Variants in EPHA6 observed in about 807,000 individuals in gnomAD.
EPHA6 encodes ephrin type-A receptor 6.
A neutral mutation model predicts 112.0 loss-of-function variants in EPHA6; 50 were observed. That is an observed-to-expected ratio of 0.45 (90% confidence interval 0.36 to 0.56). The LOEUF (loss-of-function observed/expected upper bound fraction) is 0.56. EPHA6 is among the 20% of genes least tolerant of loss of function. EPHA6 has a pLI of 0.00. For missense variants in EPHA6, 1,280 were observed against 1,417.4 expected (o/e 0.90, Z 1.56); for synonymous variants, 529 against 490.7 (o/e 1.08, Z -1.03).
chr3:97,306,876 T>C (rs2081342398), intron 5 of EPHA6, among the ~76,000 whole-genome samples: 2 of 151,582 alleles, frequency 1.3e-5, no homozygotes, highest in Admixed American at 6.6e-5. Context: ...AAATGACTCA[T>C]TTGTCACCTA....
chr3:96,976,139 T>C (rs2042512150), intron 2 of EPHA6, among the ~76,000 whole-genome samples: 1 of 152,190 alleles, frequency 6.6e-6, no homozygotes, highest in Admixed American at 6.6e-5. Context: ...TAATAAGTTA[T>C]ATGTTTGTTT....
chr3:97,730,280 A>G (rs927796479), intron 15 of EPHA6, among the ~76,000 whole-genome samples: 2 of 152,060 alleles, frequency 1.3e-5, no homozygotes, highest in South Asian at 2.1e-4. Flanking sequence ...ACGTGCCCCA[A>G]CTGAGCCTTC....
At chr3:97,410,807 C>T (rs2087663508) in intron 6 of EPHA6, among the ~76,000 whole-genome samples, 1 of 151,996 alleles carries the variant, frequency 6.6e-6, no homozygotes, top group Non-Finnish European at 1.5e-5. Flanking sequence ...TTTCCTTCAC[C>T]TCATTTAATC....
At chr3:97,303,973 T>C (rs1398014208) in intron 5 of EPHA6, among the ~76,000 whole-genome samples, 2 of 152,038 alleles carry the variant, frequency 1.3e-5, no homozygotes, top group African/African-American at 4.8e-5. Context: ...TTGTTAGCTG[T>C]ATTCCTAGGT....
intron 2 of EPHA6, among the ~76,000 whole-genome samples, chr3:96,915,029 ATAT>A (rs2039416757): frequency 1.3e-5 from 2 of 148,708 alleles, no homozygotes; most frequent in African/African-American, 5.2e-5. Flanking sequence ...TTATTATTTA[ATAT>A]TATTATTAAA....
chr3:97,423,201 A>C (rs998654266), intron 6 of EPHA6, among the ~76,000 whole-genome samples: 4 of 152,198 alleles, frequency 2.6e-5, no homozygotes, highest in Non-Finnish European at 5.9e-5. Context: ...ATAAAAAGAG[A>C]GGAAGAAAAA....
intron 2 of EPHA6, among the ~76,000 whole-genome samples, chr3:96,977,178 A>T (rs1432353338): frequency 6.6e-6 from 1 of 152,202 alleles, no homozygotes; most frequent in African/African-American, 2.4e-5. Flanking sequence ...GTATCTTTAC[A>T]AAGTAGACTG....
Position 97,269,102 on chromosome 3 carries a change from G to A in EPHA6, c.1606+24815G>A, listed in dbSNP as rs182088058. Among the ~76,000 whole-genome samples, 31 of 152,214 alleles carry A rather than the reference G, an allele frequency of 2.0e-4. No individual in the cohort carries two copies. The South Asian group carries it at 3.5e-3, about 17-fold the overall frequency. ...CATTCCCTGAGACAGCTAGTGACCCGGGGAGCCACCACTCCCTATTTTCAT... is the reference window on the plus strand; with the variant it reads ...CATTCCCTGAGACAGCTAGTGACCCAGGGAGCCACCACTCCCTATTTTCAT... On this transcript the variant is annotated intron_variant, in intron 5 of 17. Transcript: ENST00000389672.
chr3:96,965,148 G>A (rs1326318529), intron 2 of EPHA6, among the ~76,000 whole-genome samples: 1 of 152,042 alleles, frequency 6.6e-6, no homozygotes, highest in Admixed American at 6.6e-5. Context: ...ATGGCCTCTG[G>A]GATTGGCCTA....
intron 15 of EPHA6, among the ~76,000 whole-genome samples, chr3:97,732,200 C>T (rs887754804): frequency 2.0e-4 from 31 of 151,748 alleles, no homozygotes; most frequent in African/African-American, 7.0e-4. Context: ...CTCACCATTC[C>T]TCTCTTTGAA....
At chr3:97,556,572 A>G (rs1033669760) in intron 11 of EPHA6, among the ~76,000 whole-genome samples, 2 of 152,038 alleles carry the variant, frequency 1.3e-5, no homozygotes, top group Non-Finnish European at 2.9e-5. Flanking sequence ...GAACAGCATG[A>G]GGGTAACTGC....
intron 3 of EPHA6, among the ~76,000 whole-genome samples, chr3:97,184,410 T>C (rs1339003137): frequency 2.6e-5 from 4 of 152,148 alleles, no homozygotes; most frequent in Admixed American, 1.3e-4. Context: ...AGCATTCTTA[T>C]ACACCAATAA....
At chr3:97,738,862 G>C (rs1344436418) in intron 16 of EPHA6, among the ~76,000 whole-genome samples, 1 of 152,010 alleles carries the variant, frequency 6.6e-6, no homozygotes, top group East Asian at 1.9e-4. Context: ...ACTTTTGTTT[G>C]AGAAACAAAA....
chr3:97,432,414 A>C (rs548855695), intron 6 of EPHA6, among the ~76,000 whole-genome samples: 1 of 152,244 alleles, frequency 6.6e-6, no homozygotes, highest in South Asian at 2.1e-4. Context: ...ATGCATTAAC[A>C]TTCGACTCAT....
At chr3:97,532,979 T>C (rs961744368) in intron 11 of EPHA6, among the ~76,000 whole-genome samples, 1 of 152,010 alleles carries the variant, frequency 6.6e-6, no homozygotes, top group Non-Finnish European at 1.5e-5. Flanking sequence ...GGAACCTATA[T>C]AAATGGCATT....
chr3:97,577,298 C>A (rs1009664512), intron 11 of EPHA6, among the ~76,000 whole-genome samples: 6 of 152,060 alleles, frequency 3.9e-5, no homozygotes, highest in African/African-American at 1.4e-4. Flanking sequence ...TAAGACTTAT[C>A]CAAAGTAAAC....
intron 15 of EPHA6, among the ~76,000 whole-genome samples, chr3:97,730,601 G>C (rs1159636074): frequency 3.3e-5 from 5 of 151,954 alleles, no homozygotes; most frequent in Admixed American, 2.0e-4. Context: ...ACCTCAATTA[G>C]TCCTTTAGAC....
chr3:97,737,394 T>C (rs2035306899), intron 16 of EPHA6, among the ~76,000 whole-genome samples: 1 of 151,980 alleles, frequency 6.6e-6, no homozygotes, highest in Non-Finnish European at 1.5e-5. Flanking sequence ...ACTTCTGAAA[T>C]GGGAATGAGG....
intron 14 of EPHA6, among the ~76,000 whole-genome samples, chr3:97,702,705 C>T (rs2033464034): frequency 1.3e-5 from 2 of 152,112 alleles, no homozygotes; most frequent in African/African-American, 2.4e-5. Flanking sequence ...GTACTTTTAG[C>T]AGGTAGCATG....
Sources: gnomAD v4.1 joint callset for allele counts (sites outside exome capture counted in the v4.1 genomes callset) on GRCh38, gnomAD v4.1.1 for gene constraint, MANE v1.5 for transcripts, NCBI Gene and HGNC (gene_info 2026-07-23, HGNC 2026-07-21) for gene names.